Variants in GPD2 observed in about 807,000 individuals in gnomAD.
GPD2 encodes glycerol-3-phosphate dehydrogenase 2.
A neutral mutation model predicts 82.4 loss-of-function variants in GPD2; 54 were observed. That is an observed-to-expected ratio of 0.66 (90% CI 0.53 to 0.82). The LOEUF is 0.82. GPD2 is among the 40% of genes least tolerant of loss of function. GPD2 has a pLI of 0.00. For synonymous variants in GPD2, 288 were observed against 306.1 expected, an observed-to-expected ratio of 0.94 and a Z score of 0.62; for missense variants, 748 against 896.2, an observed-to-expected ratio of 0.83 and a Z score of 2.11.
At chr2:156,529,874 A>G (rs1218420442) in intron 6 of GPD2, among the ~76,000 whole-genome samples, 2 of 152,102 alleles carry the variant, frequency 1.3e-5, no homozygotes, top group African/African-American at 2.4e-5. Context: ...AGGTAGCGTG[A>G]TGCCTCCAGC....
chr2:156,483,049 G>A (rs372643149), intron 2 of GPD2, among the ~76,000 whole-genome samples: 24 of 151,530 alleles, frequency 1.6e-4, no homozygotes, highest in East Asian at 7.8e-4. Context: ...AGTGCTTTTT[G>A]ATTAGTAGTA....
intron 6 of GPD2, among the ~76,000 whole-genome samples, chr2:156,547,345 C>T (rs768328623): frequency 6.6e-6 from 1 of 152,096 alleles, no homozygotes; most frequent in Non-Finnish European, 1.5e-5. Flanking sequence ...CATTTGAACT[C>T]GATCATGAGA....
the GPD2 span, among the ~76,000 whole-genome samples, chr2:156,410,530 A>G: frequency 6.6e-6 from 1 of 152,164 alleles, no homozygotes; most frequent in African/African-American, 2.4e-5. Context: ...TGCTCTATTT[A>G]AAAAAGATTA....
the GPD2 span, among the ~76,000 whole-genome samples, chr2:156,408,891 G>A: frequency 7.1e-4 from 108 of 152,144 alleles, no homozygotes; most frequent in African/African-American, 2.2e-3. Flanking sequence ...CTAACCCCTC[G>A]AAATATGACC....
intron 6 of GPD2, among the ~76,000 whole-genome samples, chr2:156,534,136 G>A (rs1685971544): frequency 1.3e-5 from 2 of 152,196 alleles, no homozygotes; most frequent in Non-Finnish European, 2.9e-5. Flanking sequence ...AGCTAGAAAG[G>A]GGATGGAGTG....
the GPD2 span, among the ~76,000 whole-genome samples, chr2:156,418,012 C>T: frequency 1.3e-5 from 2 of 151,864 alleles, no homozygotes; most frequent in African/African-American, 2.4e-5. Context: ...GTCAGGAGTT[C>T]GAGACCAGCC....
chr2:156,484,280 C>T (rs938770831), intron 2 of GPD2, among the ~76,000 whole-genome samples: 2 of 151,790 alleles, frequency 1.3e-5, no homozygotes, highest in African/African-American at 4.8e-5. Context: ...GGATTACAGT[C>T]GCCTGCCACC....
intron 1 of GPD2, among the ~76,000 whole-genome samples, chr2:156,459,686 C>CAAAAAAAAAAAAAA (rs564494059): frequency 0.017 from 650 of 38,498 alleles, 81 homozygotes; most frequent in Non-Finnish European, 0.021. Flanking sequence ...GACTCCGTCT[C>CAAAAAAAAAAAAAA]AAAAAAAAAA....
At chr2:156,418,001 G>A in the GPD2 span, among the ~76,000 whole-genome samples, 1 of 152,076 alleles carries the variant, frequency 6.6e-6, no homozygotes, top group Admixed American at 6.6e-5. Flanking sequence ...CGGATCACGA[G>A]GTCAGGAGTT....
Position 156,568,960 on chromosome 2 carries a change from G to A in GPD2, c.1300+1G>A. 1.3e-6 allele frequency: 2 copies of A among 1,593,164 alleles called. No individual in the cohort carries two copies. Among genetic ancestry groups the A allele is most frequent in the African/African-American group, 1.4e-5 (1 of 74,072 alleles). On this transcript the variant is annotated splice_donor_variant, in intron 10 of 16. Coordinates refer to ENST00000438166, the MANE Select transcript of GPD2 (RefSeq NM_000408.5). LOFTEE classifies it high-confidence loss of function. Reference sequence around the variant, plus strand: ...GAGAGTGGCCTTATTACTATAGCAGGTATGAGATACTACCTTGTTATTTTC... The same window carrying A: ...GAGAGTGGCCTTATTACTATAGCAGATATGAGATACTACCTTGTTATTTTC...
intron 6 of GPD2, among the ~76,000 whole-genome samples, chr2:156,527,167 C>T (rs774931153): frequency 1.3e-5 from 2 of 152,004 alleles, no homozygotes; most frequent in Non-Finnish European, 2.9e-5. Context: ...AAGCATCTAA[C>T]CTCACAAAGA....
chr2:156,506,663 C>G (rs1684794913), intron 3 of GPD2, among the ~76,000 whole-genome samples: 1 of 152,104 alleles, frequency 6.6e-6, no homozygotes, highest in South Asian at 2.1e-4. Context: ...AATACCATCT[C>G]TGCCTTCTGA....
chr2:156,581,302 C>T (rs1688015417), intron 16 of GPD2, among the ~76,000 whole-genome samples: 1 of 151,636 alleles, frequency 6.6e-6, no homozygotes, highest in Non-Finnish European at 1.5e-5. Flanking sequence ...ATATTCACAC[C>T]CAAATGTTAT....
intron 3 of GPD2, among the ~76,000 whole-genome samples, chr2:156,502,624 G>T (rs930695108): frequency 2.0e-5 from 3 of 152,014 alleles, no homozygotes; most frequent in Non-Finnish European, 2.9e-5. Context: ...ATGAGGTCTT[G>T]CTGCATTGCC....
At chr2:156,531,051 C>T (rs901500478) in intron 6 of GPD2, among the ~76,000 whole-genome samples, 1 of 152,142 alleles carries the variant, frequency 6.6e-6, no homozygotes. Context: ...TAATGAAATA[C>T]ATATACAATT....
chr2:156,425,577 G>A, the GPD2 span, among the ~76,000 whole-genome samples: 1 of 152,084 alleles, frequency 6.6e-6, no homozygotes, highest in African/African-American at 2.4e-5. Context: ...TTAAGTATTT[G>A]GGGCAAAAAT....
chr2:156,566,729 T>C (rs1274607270), intron 9 of GPD2, among the ~76,000 whole-genome samples: 1 of 152,150 alleles, frequency 6.6e-6, no homozygotes, highest in African/African-American at 2.4e-5. Flanking sequence ...AGAAGTGTAA[T>C]TGCTAGATCT....
intron 10 of GPD2, 112 bp from the exon 11 acceptor site, chr2:156,569,251 A>G (rs1392847523): frequency 2.6e-6 from 2 of 771,566 alleles, no homozygotes; most frequent in East Asian, 2.6e-5. Flanking sequence ...ACACAATCCC[A>G]TGTTTGTTAC....
At chr2:156,416,953 T>C in the GPD2 span, among the ~76,000 whole-genome samples, 5 of 152,098 alleles carry the variant, frequency 3.3e-5, no homozygotes, top group Admixed American at 1.3e-4. Flanking sequence ...TTAATAGCAC[T>C]CAAGAATCAT....
Sources: allele counts gnomAD v4.1 joint callset (sites outside exome capture counted in the v4.1 genomes callset), GRCh38; gene constraint gnomAD v4.1.1; transcripts MANE v1.5; gene names NCBI Gene and HGNC (gene_info 2026-07-23, HGNC 2026-07-21).